ELAC1: variants seen among roughly 807,000 people sequenced by gnomAD.
ELAC1 encodes zinc phosphodiesterase ELAC protein 1.
A neutral mutation model predicts 25.8 loss-of-function variants in ELAC1; 19 were observed. The observed-to-expected ratio is 0.74, with a 90% CI of 0.51 to 1.08. The LOEUF is 1.08. Ranked by LOEUF, ELAC1 falls within the 50% of genes least tolerant of loss-of-function variation. ELAC1 has a pLI of 0.00. For missense variants in ELAC1, 403 were observed against 434.6 expected, an observed-to-expected ratio of 0.93 and a Z score of 0.65; for synonymous variants, 148 against 160.9, an observed-to-expected ratio of 0.92 and a Z score of 0.61.
chr18:50,983,849 T>G (rs1419162124), intron 2 of ELAC1, among the ~76,000 whole-genome samples: 1 of 150,844 alleles, frequency 6.6e-6, no homozygotes, highest in African/African-American at 2.4e-5. Context: ...GCAAGACCTG[T>G]CTCTTTAAAA....
intron 3 of ELAC1, among the ~76,000 whole-genome samples, chr18:50,985,767 T>G (rs1307507210): frequency 6.6e-6 from 1 of 152,212 alleles, no homozygotes; most frequent in African/African-American, 2.4e-5. Context: ...TGTGTTGGAA[T>G]TGGTGGTCAT....
rs548817835 is a variant in ELAC1, at chr18:50,987,132, T to C, written c.*47T>C. On this transcript the variant is annotated 3_prime_UTR_variant, in exon 4 of 4. Transcript: ENST00000269466. Reference sequence around the variant, plus strand: ...ACTGACATGTCTGTGAATATGTTACTGAACCTATAGTCCAGTTTTTTTATT... The same window carrying C: ...ACTGACATGTCTGTGAATATGTTACCGAACCTATAGTCCAGTTTTTTTATT... 4.5e-6 allele frequency: 6 copies of C among 1,346,900 alleles called. No individual in the cohort carries two copies. In the Admixed American group the frequency reaches 1.4e-4, roughly 32 times the overall value. 83.4% of individuals were successfully genotyped at this position (1,346,900 alleles called of 1,614,324 possible).
intron 2 of ELAC1, among the ~76,000 whole-genome samples, chr18:50,982,640 T>G (rs1907984323): frequency 6.6e-6 from 1 of 152,212 alleles, no homozygotes; most frequent in Non-Finnish European, 1.5e-5. Flanking sequence ...TAAATTCAGT[T>G]TACCATTGGC....
At position 50,988,083 on chromosome 18, in the gene ELAC1, T is replaced by C. The variant is rs1599153464; in HGVS notation, c.*998T>C. ...GCTTATCTGTTAAACTGAGGTTTCA[T>C]TGACGTGTCCCTATTAATAAACGTT... On this transcript the variant is annotated 3_prime_UTR_variant, in exon 4 of 4. Coordinates refer to ENST00000269466, the MANE Select transcript of ELAC1 (RefSeq NM_018696.3). The C allele has an allele frequency of 6.6e-6, 1 of 152,212 alleles. No homozygotes were observed. Among genetic ancestry groups the C allele is most frequent in the African/African-American group, 2.4e-5 (1 of 41,458 alleles). The allele number at this position is 152,212 out of a possible 1,614,324, so 9.4% of individuals were successfully genotyped here.
At chr18:50,969,585 G>A (rs1351325391) in intron 1 of ELAC1, 1 of 152,232 alleles carries the variant, frequency 6.6e-6, no homozygotes, top group African/African-American at 2.4e-5. Context: ...AACCCCTAAT[G>A]AAATAATGGA....
rs1025624564 is a variant in ELAC1, at chr18:50,985,667, T to A, written c.626-952T>A. 2.0e-5 allele frequency among the ~76,000 whole-genome samples: 3 copies of A among 152,340 alleles called. No individual in the cohort carries two copies. The South Asian group carries it at 6.2e-4, about 32-fold the overall frequency. On this transcript the variant is annotated intron_variant, in intron 3 of 3. Coordinates refer to ENST00000269466, the MANE Select transcript of ELAC1 (RefSeq NM_018696.3). ...TCCTCAACTAAAACAAAATGCTAGA[T>A]AATGAGGAAAAGTGACTTAGGCCAA...
chr18:50,978,274 A>G (rs2144314382), intron 2 of ELAC1, among the ~76,000 whole-genome samples: 1 of 152,264 alleles, frequency 6.6e-6, no homozygotes, highest in Admixed American at 6.5e-5. Flanking sequence ...TACCAGTACC[A>G]ATTTACTGTA....
At chr18:50,983,040 T>C (rs1907995819) in intron 2 of ELAC1, among the ~76,000 whole-genome samples, 1 of 152,152 alleles carries the variant, frequency 6.6e-6, no homozygotes, top group South Asian at 2.1e-4. Context: ...TATGTTTGCT[T>C]TTCTCAGAGG....
rs1304106264 is a variant in ELAC1, at chr18:50,987,147, G to GT, written c.*69dup. ...AATATGTTACTGAACCTATAGTCCA[G>GT]TTTTTTTATTTCTTGTTTTAGTCTG... On this transcript the variant is annotated 3_prime_UTR_variant, in exon 4 of 4. Coordinates refer to ENST00000269466, the MANE Select transcript of ELAC1 (RefSeq NM_018696.3). 6.6e-6 allele frequency: 8 copies of GT among 1,203,258 alleles called. No homozygotes were observed. In the East Asian group the frequency reaches 1.2e-4, roughly 19 times the overall value. 74.5% of individuals were successfully genotyped at this position (1,203,258 alleles called of 1,614,324 possible).
intron 2 of ELAC1, among the ~76,000 whole-genome samples, chr18:50,983,167 T>G (rs1301720577): frequency 3.0e-4 from 42 of 138,944 alleles, no homozygotes; most frequent in Non-Finnish European, 6.1e-4. Context: ...TTTTTTTTTT[T>G]TTTTTTTTTT....
In ELAC1 at chr18:50,984,204, A is replaced by T. The variant is rs1429925414; in HGVS notation, c.266A>T (p.Gln89Leu). The change falls in exon 3 of 4, where the codon CAG becomes CTG. Residue 89 changes from glutamine (Q) to leucine (L), a missense_variant. Physicochemically the swap from Gln to Leu is moderately radical, Grantham distance 113. Transcript: ENST00000269466. ...CAGAGTGGCTCCATGGTGTCCAAAC[A>T]GCCTATTGAAATCTATGGCCCTGTA... ...SLQSGSMVSK[Q>L]PIEIYGPVGL... 1 of 1,614,164 alleles carries T rather than the reference A, an allele frequency of 6.2e-7. No homozygotes were observed. Among genetic ancestry groups the T allele is most frequent in the Non-Finnish European group, 8.5e-7 (1 of 1,180,030 alleles).
In ELAC1 at chr18:50,974,570, G is replaced by A; in HGVS notation, c.157+9G>A. The A allele has an allele frequency of 6.2e-7, 1 of 1,613,302 alleles. No homozygotes were observed. Among genetic ancestry groups the A allele is most frequent in the East Asian group, 2.2e-5 (1 of 44,836 alleles). ...AAGCCAACTTAAAGCAGGTTAGTGT[G>A]CCTTCAGCTATCTCATTAAGATTTT... On this transcript the variant is annotated intron_variant, in intron 2 of 3. Coordinates refer to ENST00000269466, the MANE Select transcript of ELAC1 (RefSeq NM_018696.3).
chr18:50,986,649 T>A lies in ELAC1; in HGVS notation c.656T>A (p.Leu219Gln), dbSNP rs1455959511. ...GVPPGPAYGK[L>Q]KNGISVVLEN... ...CCACCAGGTCCTGCCTATGGGAAGC[T>A]GAAAAATGGAATTTCTGTTGTTCTG... The change falls in exon 4 of 4, where the codon CTG (leucine) becomes CAG (glutamine). Residue 219 changes from leucine to glutamine, a missense_variant. Leu to Gln is a moderately radical substitution (Grantham distance 113, BLOSUM62 -2). Transcript: ENST00000269466. The A allele has an allele frequency of 6.2e-7, 1 of 1,613,386 alleles. No individual in the cohort carries two copies. The highest frequency in any genetic ancestry group is 1.1e-5 in the South Asian group (1 of 91,016).
intron 3 of ELAC1, among the ~76,000 whole-genome samples, chr18:50,985,949 G>A (rs1386178847): frequency 6.7e-6 from 1 of 150,104 alleles, no homozygotes; most frequent in South Asian, 2.1e-4. Flanking sequence ...AAACAATCCT[G>A]CTAACAATTT....
Position 50,984,317 on chromosome 18 carries a change from GC to G in ELAC1, c.380del (p.Ala127GlufsTer9). ...HYVVHELVPT[A>X]DQCPAEELKE... ...TGTGGTTCATGAACTGGTTCCTACA[GC>G]AGATCAATGTCCTGCAGAAGAACTA... On this transcript the variant is annotated frameshift_variant, in exon 3 of 4. Coordinates refer to ENST00000269466, the MANE Select transcript of ELAC1 (RefSeq NM_018696.3). LOFTEE classifies it high-confidence loss of function. 6.2e-7 allele frequency: 1 copy of G among 1,614,178 alleles called. No individual in the cohort carries two copies. The highest frequency in any genetic ancestry group is 8.5e-7 in the Non-Finnish European group (1 of 1,180,012).
chr18:50,985,487 C>T (rs1382013511), intron 3 of ELAC1, among the ~76,000 whole-genome samples: 2 of 152,234 alleles, frequency 1.3e-5, no homozygotes, highest in Non-Finnish European at 2.9e-5. Flanking sequence ...GCTAAGCCAG[C>T]ATGCATGAGG....
At chr18:50,984,623 C>A in intron 3 of ELAC1, 60 bp downstream of exon 3, 1 of 1,221,234 alleles carries the variant, frequency 8.2e-7, no homozygotes, top group Non-Finnish European at 1.2e-6. Context: ...CTCCTGTTGA[C>A]TGAAGCTATA....
intron 1 of ELAC1, among the ~76,000 whole-genome samples, chr18:50,972,568 G>A (rs966001274): frequency 3.3e-5 from 5 of 152,114 alleles, no homozygotes; most frequent in South Asian, 2.1e-4. Context: ...TATGACTGCC[G>A]CCTCCCAGGT....
chr18:50,977,957 G>C (rs1907838982), intron 2 of ELAC1, among the ~76,000 whole-genome samples: 1 of 152,178 alleles, frequency 6.6e-6, no homozygotes, highest in Non-Finnish European at 1.5e-5. Context: ...TAGGGCAGGG[G>C]CACAATGCTG....
Sources: gnomAD v4.1 joint callset for allele counts (sites outside exome capture counted in the v4.1 genomes callset) on GRCh38, gnomAD v4.1.1 for gene constraint, MANE v1.5 for transcripts, NCBI Gene and HGNC (gene_info 2026-07-23, HGNC 2026-07-21) for gene names.